Variants in AFAP1L2 observed in about 807,000 individuals in gnomAD.
AFAP1L2 encodes the protein actin filament-associated protein 1-like 2.
Under a neutral mutation model 99.3 loss-of-function variants are expected in AFAP1L2, and 46 were observed. That is an observed-to-expected ratio of 0.46 (90% CI 0.37 to 0.59). The LOEUF is 0.59. AFAP1L2 is among the 20% of genes least tolerant of loss of function. The probability of loss-of-function intolerance (pLI) is 0.00; values close to 1 mark genes in which losing one functional copy is unlikely to be tolerated. For synonymous variants in AFAP1L2, 397 were observed against 419.1 expected (o/e 0.95, Z 0.64); for missense variants, 959 against 1,034.9 (o/e 0.93, Z 1.01).
At chr10:114,289,452 G>A in the AFAP1L2 span, 2 of 1,614,176 alleles carry the variant, frequency 1.2e-6, no homozygotes, top group Non-Finnish European at 8.5e-7. Flanking sequence ...CCGACCTGCG[G>A]TACCACCAGG....
chr10:114,283,617 A>G, the AFAP1L2 span, among the ~76,000 whole-genome samples: 1 of 152,222 alleles, frequency 6.6e-6, no homozygotes, highest in African/African-American at 2.4e-5. Context: ...GACCTGGGGC[A>G]TGTGACTTCT....
chr10:114,348,780 C>G (rs112735638), intron 1 of AFAP1L2, among the ~76,000 whole-genome samples: 20 of 152,324 alleles, frequency 1.3e-4, no homozygotes, highest in Admixed American at 7.8e-4. Context: ...GGTGCACCCC[C>G]AGAATTCTGC....
At chr10:114,378,505 A>G (rs1019132649) in intron 1 of AFAP1L2, among the ~76,000 whole-genome samples, 1 of 152,254 alleles carries the variant, frequency 6.6e-6, no homozygotes, top group African/African-American at 2.4e-5. Context: ...GATTTAGAAC[A>G]TAAACGAATG....
intron 1 of AFAP1L2, among the ~76,000 whole-genome samples, chr10:114,391,743 C>T (rs2137988109): frequency 6.6e-6 from 1 of 152,300 alleles, no homozygotes; most frequent in African/African-American, 2.4e-5. Context: ...TGAGCCTTGA[C>T]AAACGTGCTT....
At chr10:114,327,124 A>T (rs1205720991) in intron 4 of AFAP1L2, among the ~76,000 whole-genome samples, 2 of 106,678 alleles carry the variant, frequency 1.9e-5, no homozygotes, top group East Asian at 8.0e-4. Flanking sequence ...TATGATGGTG[A>T]AGACCGTGAA....
chr10:114,381,137 T>G (rs893616224), intron 1 of AFAP1L2, among the ~76,000 whole-genome samples: 2 of 152,200 alleles, frequency 1.3e-5, no homozygotes, highest in Non-Finnish European at 2.9e-5. Flanking sequence ...CGAATTTCCA[T>G]CAGTGGTGGA....
intron 4 of AFAP1L2, among the ~76,000 whole-genome samples, chr10:114,328,819 C>T (rs2046817608): frequency 6.6e-6 from 1 of 152,198 alleles, no homozygotes. Context: ...GACATGTGCT[C>T]ATGTGTGTGG....
rs2039933031 is a variant in AFAP1L2 at position 114,294,841 on chromosome 10, T to TTTTA, written c.*1197_*1200dup. 3 of 923,532 alleles carry TTTTA rather than the reference T, an allele frequency of 3.2e-6. No individual in the cohort carries two copies. Among genetic ancestry groups the TTTTA allele is most frequent in the Non-Finnish European group, 3.8e-6 (3 of 798,678 alleles). 57.2% of individuals were successfully genotyped at this position (923,532 alleles called of 1,614,324 possible). On this transcript the variant is annotated 3_prime_UTR_variant, in exon 19 of 19. Coordinates refer to ENST00000304129, the MANE Select transcript of AFAP1L2 (RefSeq NM_001001936.3). Reference sequence around the variant, plus strand: ...AGGAAAACTTCAAATACAATGAACATTTTATTTTAAAAAACCTAACTAACT... The same window carrying TTTTA: ...AGGAAAACTTCAAATACAATGAACATTTTATTTATTTTAAAAAACCTAACTAACT...
chr10:114,289,424 TC>T, the AFAP1L2 span: 12 of 1,614,188 alleles, frequency 7.4e-6, no homozygotes, highest in Non-Finnish European at 1.0e-5. Flanking sequence ...GATTCCCTGA[TC>T]CACGTGGCAG....
At chr10:114,291,450 G>T, downstream of AFAP1L2, 1 of 565,344 alleles carries the variant, frequency 1.8e-6, no homozygotes, top group Non-Finnish European at 3.0e-6. Context: ...GAAAGCAGCT[G>T]ATGTCACCCA....
In AFAP1L2 at chr10:114,404,204, C is replaced by T. The variant is rs369469143; in HGVS notation, c.16+236G>A. Among the ~76,000 whole-genome samples the T allele has an allele frequency of 2.6e-5, 4 of 152,170 alleles. 1 individual carries two copies. Among genetic ancestry groups the T allele is most frequent in the Admixed American group, 2.6e-4 (4 of 15,290 alleles). On this transcript the variant is annotated intron_variant, in intron 1 of 18. Transcript: ENST00000304129. Reference sequence around the variant, plus strand: ...GCCCCGCCACGCCCCCCACTGACGACCCCCTCCTTCCGCGCCCGGGAGGAT... The same window carrying T: ...GCCCCGCCACGCCCCCCACTGACGATCCCCTCCTTCCGCGCCCGGGAGGAT...
chr10:114,298,518 A>G (rs1307397434), intron 16 of AFAP1L2, among the ~76,000 whole-genome samples: 1 of 152,078 alleles, frequency 6.6e-6, no homozygotes, highest in East Asian at 1.9e-4. Context: ...ACTCCATGAA[A>G]ACTAAGTCAA....
intron 4 of AFAP1L2, among the ~76,000 whole-genome samples, chr10:114,328,670 C>T (rs2046795530): frequency 6.6e-6 from 1 of 152,210 alleles, no homozygotes; most frequent in Non-Finnish European, 1.5e-5. Context: ...CGGCCATGGC[C>T]TCTCCCTGCT....
chr10:114,359,832 A>G (rs1037620675), intron 1 of AFAP1L2, among the ~76,000 whole-genome samples: 1 of 152,142 alleles, frequency 6.6e-6, no homozygotes, highest in Non-Finnish European at 1.5e-5. Context: ...CTAAGTAAAC[A>G]TCCCATCTTA....
At chr10:114,292,088 C>A (rs916716681), downstream of AFAP1L2, among the ~76,000 whole-genome samples, 1 of 151,990 alleles carries the variant, frequency 6.6e-6, no homozygotes. Flanking sequence ...ACCAGCCTGG[C>A]CAACGTGGTG....
chr10:114,340,567 G>C, intron 2 of AFAP1L2, 36 bp downstream of exon 2: 1 of 1,598,474 alleles, frequency 6.3e-7, no homozygotes, highest in Non-Finnish European at 8.5e-7. Context: ...CTCTTTTGGC[G>C]TGGAGGCCTC....
chr10:114,369,442 A>C (rs2053781419), intron 1 of AFAP1L2, among the ~76,000 whole-genome samples: 1 of 152,018 alleles, frequency 6.6e-6, no homozygotes, highest in Non-Finnish European at 1.5e-5. Flanking sequence ...AAAAATACAA[A>C]AAATTAGCCG....
chr10:114,361,616 C>T (rs548261289), intron 1 of AFAP1L2, among the ~76,000 whole-genome samples: 29 of 152,196 alleles, frequency 1.9e-4, no homozygotes, highest in Non-Finnish European at 3.5e-4. Flanking sequence ...GTGATGGAAA[C>T]ATCTTGGCTT....
At chr10:114,346,967 C>A (rs768426399) in intron 1 of AFAP1L2, among the ~76,000 whole-genome samples, 22 of 152,166 alleles carry the variant, frequency 1.4e-4, no homozygotes, top group Non-Finnish European at 2.9e-4. Context: ...CCCAACATGC[C>A]GAAAAAGCCA....
Sources: gnomAD v4.1 joint callset for allele counts (sites outside exome capture counted in the v4.1 genomes callset) on GRCh38, gnomAD v4.1.1 for gene constraint, MANE v1.5 for transcripts, NCBI Gene and HGNC (gene_info 2026-07-23, HGNC 2026-07-21) for gene names.